Variants in ASPH observed in about 807,000 individuals in gnomAD.
ASPH encodes the protein aspartate beta-hydroxylase, also known as aspartyl/asparaginyl beta-hydroxylase.
Under a neutral mutation model 118.4 loss-of-function variants are expected in ASPH, and 100 were observed. That is an observed-to-expected ratio of 0.84 (90% confidence interval 0.72 to 1.00). The LOEUF (loss-of-function observed/expected upper bound fraction) is 1.00, where lower values mean the gene tolerates loss of function less well. Ranked by LOEUF, ASPH falls within the 50% of genes least tolerant of loss-of-function variation. ASPH has a pLI of 0.00. For missense variants in ASPH, 920 were observed against 919.5 expected, an observed-to-expected ratio of 1.00 and a Z score of -0.01; for synonymous variants, 315 against 325.6, an observed-to-expected ratio of 0.97 and a Z score of 0.35.
At position 61,521,279 on chromosome 8, in the gene ASPH, C is replaced by T. The variant is rs146139906; in HGVS notation, c.1901-3156G>A. Among the ~76,000 whole-genome samples the T allele has an allele frequency of 2.4e-4, 37 of 152,272 alleles. No homozygotes were observed. The East Asian group carries it at 5.2e-3, about 21-fold the overall frequency. On this transcript the variant is annotated intron_variant, in intron 22 of 24. Transcript: ENST00000379454. ...TCATGCTCTTAACCAGACCAGAGAC[C>T]ACCTCTCCACTACTGTTATTACATC... is the stretch of plus-strand genomic sequence containing the variant.
chr8:61,668,398 A>C, intron 3 of ASPH: 1 of 732,016 alleles, frequency 1.4e-6, no homozygotes, highest in Non-Finnish European at 2.2e-6. Flanking sequence ...AGTTAAATTC[A>C]TCATTAAAAA....
rs200232139 is a variant in ASPH at position 61,693,180 on chromosome 8, GT to G, written c.104-8993del. ...TCTATCCCTGTGGCCAGCTAGACAG[GT>G]GCTTTTTGCTTCATTTCTTCATCCC... On this transcript the variant is annotated intron_variant, in intron 1 of 24. Coordinates refer to ENST00000379454, the MANE Select transcript of ASPH (RefSeq NM_004318.4). Among the ~76,000 whole-genome samples, 799 of 152,180 alleles carry G rather than the reference GT, an allele frequency of 5.3e-3. 9 individuals carry two copies. The highest frequency in any genetic ancestry group is 0.018 in the African/African-American group (750 of 41,526).
chr8:61,667,962 A>T lies in ASPH; in HGVS notation c.322+13006T>A, dbSNP rs538344900. Reference sequence around the variant, plus strand: ...TAATATATACATCATAACAAATATAACATATTTGTATAATATATACATTCT... The same window carrying T: ...TAATATATACATCATAACAAATATATCATATTTGTATAATATATACATTCT... On this transcript the variant is annotated intron_variant, in intron 3 of 24. Transcript: ENST00000379454. Among the ~76,000 whole-genome samples, 8 of 150,686 alleles carry T rather than the reference A, an allele frequency of 5.3e-5. No homozygotes were observed. The South Asian group carries it at 6.3e-4, about 12-fold the overall frequency.
At chr8:61,678,728 C>T (rs1299303322) in intron 3 of ASPH, among the ~76,000 whole-genome samples, 1 of 152,110 alleles carries the variant, frequency 6.6e-6, no homozygotes, top group Non-Finnish European at 1.5e-5. Context: ...GACAACAGCT[C>T]CTCTTATCTC....
chr8:61,510,825 A>G (rs1466405738), intron 24 of ASPH, among the ~76,000 whole-genome samples: 1 of 152,230 alleles, frequency 6.6e-6, no homozygotes, highest in Non-Finnish European at 1.5e-5. Context: ...TTTGTCCTAG[A>G]TGGGCAGGCT....
chr8:61,514,505 C>T (rs534786026), intron 24 of ASPH, among the ~76,000 whole-genome samples: 2 of 152,064 alleles, frequency 1.3e-5, no homozygotes, highest in African/African-American at 2.4e-5. Flanking sequence ...GTCAGGAGAT[C>T]GAGACCATCC....
At chr8:61,656,199 A>C (rs1216526289) in intron 3 of ASPH, 1 of 152,208 alleles carries the variant, frequency 6.6e-6, no homozygotes, top group African/African-American at 2.4e-5. Flanking sequence ...AATATTCAAA[A>C]TTAGGTTATG....
At chr8:61,553,410 A>G (rs1826711732) in intron 19 of ASPH, among the ~76,000 whole-genome samples, 1 of 152,196 alleles carries the variant, frequency 6.6e-6, no homozygotes, top group Non-Finnish European at 1.5e-5. Context: ...ATCATATTTC[A>G]ATATTTTGAA....
intron 16 of ASPH, among the ~76,000 whole-genome samples, chr8:61,572,647 C>A (rs1833810831): frequency 6.6e-6 from 1 of 152,176 alleles, no homozygotes; most frequent in Admixed American, 6.5e-5. Flanking sequence ...TGCCCACTTC[C>A]CTCATCTCCA....
At chr8:61,665,935 T>G (rs1215582971) in intron 3 of ASPH, among the ~76,000 whole-genome samples, 1 of 152,192 alleles carries the variant, frequency 6.6e-6, no homozygotes, top group African/African-American at 2.4e-5. Flanking sequence ...ACTCACACTT[T>G]GTAACTATAA....
chr8:61,602,948 T>A (rs565586951), intron 14 of ASPH, among the ~76,000 whole-genome samples: 2 of 152,074 alleles, frequency 1.3e-5, no homozygotes, highest in South Asian at 4.1e-4. Context: ...ATCCCAGCAC[T>A]TTGGGAGGCA....
At chr8:61,577,147 T>TG (rs1835438953) in intron 15 of ASPH, among the ~76,000 whole-genome samples, 1 of 150,600 alleles carries the variant, frequency 6.6e-6, no homozygotes, top group Non-Finnish European at 1.5e-5. Flanking sequence ...GGACACAGGG[T>TG]GGGGAACATC....
At chr8:61,662,132 T>G (rs535911333) in intron 3 of ASPH, among the ~76,000 whole-genome samples, 3 of 152,242 alleles carry the variant, frequency 2.0e-5, no homozygotes, top group Non-Finnish European at 4.4e-5. Context: ...TAGAAGATCA[T>G]CCTGGAAAAA....
chr8:61,657,421 T>G (rs1432450464), intron 3 of ASPH: 1 of 152,196 alleles, frequency 6.6e-6, no homozygotes, highest in Non-Finnish European at 1.5e-5. Context: ...CTAGACTGTA[T>G]GCAACATCCT....
intron 24 of ASPH, among the ~76,000 whole-genome samples, chr8:61,513,781 C>G (rs1009118125): frequency 3.9e-5 from 6 of 152,168 alleles, no homozygotes; most frequent in Admixed American, 1.3e-4. Flanking sequence ...TTCAAGACCC[C>G]CCTCTGAGTA....
chr8:61,714,567 G>A lies in ASPH; in HGVS notation c.-196C>T, dbSNP rs1589409200. 1.7e-5 allele frequency: 14 copies of A among 820,816 alleles called. No homozygotes were observed. In the Middle Eastern group the frequency reaches 2.0e-3, roughly 120 times the overall value. 50.8% of individuals were successfully genotyped at this position (820,816 alleles called of 1,614,324 possible). On this transcript the variant is annotated 5_prime_UTR_variant, in exon 1 of 25. Transcript: ENST00000379454. ...ACCCGCCTGCCGGCTGCGCGCGCCC[G>A]GCCTCGCGTGTACGAACCTGTGACT...
At chr8:61,538,077 C>T (rs905464615) in intron 21 of ASPH, among the ~76,000 whole-genome samples, 10 of 152,030 alleles carry the variant, frequency 6.6e-5, no homozygotes, top group Non-Finnish European at 7.4e-5. Flanking sequence ...TTAAGCCTTA[C>T]CAAAACGTCA....
rs16927574 is a variant in ASPH, at chr8:61,576,775, C to A, written c.1146G>T (p.Ala382=). The A allele has an allele frequency of 6.2e-7, 1 of 1,606,692 alleles. No homozygotes were observed. Among genetic ancestry groups the A allele is most frequent in the South Asian group, 1.1e-5 (1 of 89,344 alleles). ...AAGGAGAAGGGTCTCAGAATACCTG[C>A]GCCTTCCCATATCTTGCTCGTGGAC... ...PQSPRARYGK[A]QCEDDLAEKR... The change falls in exon 16 of 25, where the codon GCG becomes GCT. Residue 382 remains alanine, a synonymous_variant. Transcript: ENST00000379454.
chr8:61,591,726 C>T (rs911025716), intron 14 of ASPH, among the ~76,000 whole-genome samples: 3 of 152,100 alleles, frequency 2.0e-5, no homozygotes, highest in Non-Finnish European at 2.9e-5. Context: ...CCAAGCTGCA[C>T]AAACTGTAAA....
Sources: allele counts gnomAD v4.1 joint callset (sites outside exome capture counted in the v4.1 genomes callset), GRCh38; gene constraint gnomAD v4.1.1; transcripts MANE v1.5; gene names NCBI Gene and HGNC (gene_info 2026-07-23, HGNC 2026-07-21).